The following WDPCP variants were observed in gnomAD, a reference collection of about 807,000 sequenced individuals.
WDPCP encodes WD repeat containing planar cell polarity effector.
A neutral mutation model predicts 93.1 loss-of-function variants in WDPCP; 71 were observed. The observed-to-expected ratio is 0.76, with a 90% CI of 0.63 to 0.93. The LOEUF (loss-of-function observed/expected upper bound fraction) is 0.93. Ranked by LOEUF, WDPCP falls within the 40% of genes least tolerant of loss-of-function variation. WDPCP has a pLI of 0.00. For synonymous variants in WDPCP, 315 were observed against 315.0 expected, an observed-to-expected ratio of 1.00 and a Z score of 0.00; for missense variants, 844 against 887.4, an observed-to-expected ratio of 0.95 and a Z score of 0.62.
chr2:63,239,677 T>C (rs1408067139), intron 14 of WDPCP, among the ~76,000 whole-genome samples: 3 of 152,204 alleles, frequency 2.0e-5, no homozygotes, highest in Non-Finnish European at 2.9e-5. Flanking sequence ...TTTATGAGTT[T>C]TGTTAGCTAA....
chr2:63,810,002 C>A (rs1294299674), intron 2 of WDPCP, among the ~76,000 whole-genome samples: 1 of 151,884 alleles, frequency 6.6e-6, no homozygotes, highest in East Asian at 1.9e-4. Flanking sequence ...TCATTGTATA[C>A]CTTATTTAGA....
chr2:63,317,995 G>A (rs1686793004), intron 12 of WDPCP, among the ~76,000 whole-genome samples: 1 of 152,090 alleles, frequency 6.6e-6, no homozygotes, highest in Non-Finnish European at 1.5e-5. Context: ...TACAGAATGG[G>A]AGAAAATATT....
chr2:63,278,798 C>T (rs570334550), intron 13 of WDPCP, among the ~76,000 whole-genome samples: 1 of 152,270 alleles, frequency 6.6e-6, no homozygotes, highest in African/African-American at 2.4e-5. Context: ...TGCACTCCAG[C>T]CTGGGCGACA....
intron 2 of WDPCP, among the ~76,000 whole-genome samples, chr2:63,746,080 C>G (rs188756240): frequency 1.3e-5 from 2 of 152,150 alleles, no homozygotes; most frequent in Admixed American, 6.6e-5. Context: ...GGACCCCAAA[C>G]AGAGGGACTG....
At chr2:63,542,516 T>A (rs1459301863) in intron 1 of WDPCP, among the ~76,000 whole-genome samples, 1 of 152,212 alleles carries the variant, frequency 6.6e-6, no homozygotes, top group African/African-American at 2.4e-5. Context: ...AATGGTTATA[T>A]CTGCAAAGCA....
chr2:63,174,106 C>G (rs1194750568), intron 15 of WDPCP, among the ~76,000 whole-genome samples: 1 of 152,134 alleles, frequency 6.6e-6, no homozygotes, highest in Non-Finnish European at 1.5e-5. Context: ...TAGCCCTTTA[C>G]ACAAAAAGCT....
At chr2:63,505,831 G>C (rs1033411150) in intron 1 of WDPCP, among the ~76,000 whole-genome samples, 1 of 152,010 alleles carries the variant, frequency 6.6e-6, no homozygotes, top group Non-Finnish European at 1.5e-5. Flanking sequence ...CACCATGCTA[G>C]GCATTCACAA....
chr2:63,135,368 A>G (rs13027074), intron 17 of WDPCP, among the ~76,000 whole-genome samples: 36,692 of 152,184 alleles, frequency 0.24, 4,973 homozygotes, highest in Middle Eastern at 0.39. Context: ...GTCTTGCTCT[A>G]TTGTCCAGGC....
chr2:63,540,263 CAT>C (rs1448581769), intron 1 of WDPCP, among the ~76,000 whole-genome samples: 3 of 152,076 alleles, frequency 2.0e-5, no homozygotes, highest in Non-Finnish European at 4.4e-5. Context: ...TATTTAAACT[CAT>C]ATAAAGTCAG....
chr2:63,747,163 G>T (rs1021113288), intron 2 of WDPCP, among the ~76,000 whole-genome samples: 3 of 152,056 alleles, frequency 2.0e-5, no homozygotes, highest in Non-Finnish European at 2.9e-5. Context: ...ATTTGTAGCA[G>T]CTCTTGCATA....
chr2:63,762,096 A>G (rs191083565), intron 2 of WDPCP, among the ~76,000 whole-genome samples: 3 of 152,348 alleles, frequency 2.0e-5, no homozygotes, highest in East Asian at 3.9e-4. Context: ...TTGAGATACT[A>G]AAAGTTGCCT....
intron 2 of WDPCP, among the ~76,000 whole-genome samples, chr2:63,773,208 T>C (rs1176978664): frequency 6.6e-6 from 1 of 151,854 alleles, no homozygotes; most frequent in South Asian, 2.1e-4. Context: ...AACAGTATAA[T>C]GGAAAAATAA....
At chr2:63,673,184 T>G (rs961919930) in intron 2 of WDPCP, among the ~76,000 whole-genome samples, 14 of 152,280 alleles carry the variant, frequency 9.2e-5, no homozygotes, top group Middle Eastern at 3.4e-3. Flanking sequence ...TGCAGATGTG[T>G]GTGGGTGGGG....
intron 1 of WDPCP, among the ~76,000 whole-genome samples, chr2:63,536,773 C>CTTTTTTTTTTTTTTTTTTT (rs58661370): frequency 1.1e-5 from 1 of 93,636 alleles, no homozygotes; most frequent in African/African-American, 4.5e-5. Flanking sequence ...ATTCTTCATG[C>CTTTTTTTTTTTTTTTTTTT]TTTTTTTTTT....
At chr2:63,725,791 A>T (rs1173169460) in intron 2 of WDPCP, among the ~76,000 whole-genome samples, 3 of 152,074 alleles carry the variant, frequency 2.0e-5, no homozygotes, top group Non-Finnish European at 4.4e-5. Flanking sequence ...AATTTCTCTG[A>T]TGATTGGTGA....
rs530938271 is a variant in WDPCP, at chr2:63,657,943, G to C, written n.309-7105C>G. Among the ~76,000 whole-genome samples the C allele has an allele frequency of 1.1e-4, 16 of 152,116 alleles. 1 individual carries two copies. Among genetic ancestry groups the C allele is most frequent in the African/African-American group, 3.6e-4 (15 of 41,514 alleles). On this transcript the variant is annotated intron_variant and non_coding_transcript_variant, in intron 2 of 4. Coordinates refer to the WDPCP transcript ENST00000467687. ...GGAGCACAAACCTTGCTTTATATCT[G>C]CTTAATTTAAAAGGTTCCATCAAAG...
chr2:63,416,637 C>T (rs1292997910), intron 9 of WDPCP, among the ~76,000 whole-genome samples: 5 of 152,010 alleles, frequency 3.3e-5, no homozygotes, highest in African/African-American at 1.2e-4. Flanking sequence ...GATTCTCATG[C>T]CTCAGCCTCC....
intron 2 of WDPCP, among the ~76,000 whole-genome samples, chr2:63,773,169 A>G (rs1159738745): frequency 6.6e-6 from 1 of 152,100 alleles, no homozygotes; most frequent in Non-Finnish European, 1.5e-5. Flanking sequence ...TATAATAGCC[A>G]GAAAACTGGG....
At chr2:63,401,595 GC>G (rs1260611151) in intron 10 of WDPCP, among the ~76,000 whole-genome samples, 2 of 152,076 alleles carry the variant, frequency 1.3e-5, no homozygotes, top group African/African-American at 4.8e-5. Context: ...ACCACTTGAG[GC>G]TGGTTTGAGA....
Sources: allele counts gnomAD v4.1 joint callset (sites outside exome capture counted in the v4.1 genomes callset), GRCh38; gene constraint gnomAD v4.1.1; transcripts MANE v1.5; gene names NCBI Gene and HGNC (gene_info 2026-07-23, HGNC 2026-07-21).